Variants in RAPH1 observed in about 807,000 individuals in gnomAD.
RAPH1 encodes ras-associated and pleckstrin homology domains-containing protein 1.
RAPH1 carries 18 observed loss-of-function variants against 88.1 expected under a neutral mutation model. The ratio of observed to expected loss-of-function variants is 0.20; its 90% CI spans 0.14 to 0.30. The LOEUF (loss-of-function observed/expected upper bound fraction) is 0.30, where lower values mean the gene tolerates loss of function less well. Among genes scored for constraint, RAPH1 ranks in the 10% least tolerant of loss-of-function variants. RAPH1 has a pLI of 1.00. For synonymous variants in RAPH1, 587 were observed against 559.0 expected (o/e 1.05, Z -0.71); for missense variants, 1,448 against 1,543.2 (o/e 0.94, Z 1.03).
At chr2:203,534,256 T>C (rs533659001) in intron 1 of RAPH1, among the ~76,000 whole-genome samples, 29 of 152,136 alleles carry the variant, frequency 1.9e-4, no homozygotes, top group Non-Finnish European at 3.7e-4. Flanking sequence ...TTCTCCCGGA[T>C]TTCCCCAACG....
chr2:203,506,746 A>ATATATCTATC (rs1553630373), intron 1 of RAPH1, among the ~76,000 whole-genome samples: 17 of 118,868 alleles, frequency 1.4e-4, no homozygotes, highest in South Asian at 2.4e-4. Flanking sequence ...ATATATCTAT[A>ATATATCTATC]TATATATATA....
intron 1 of RAPH1, among the ~76,000 whole-genome samples, chr2:203,504,561 T>C (rs1688894344): frequency 6.6e-6 from 1 of 152,182 alleles, no homozygotes; most frequent in Non-Finnish European, 1.5e-5. Flanking sequence ...GGGAGGGGGC[T>C]GACCTGACGG....
intron 1 of RAPH1, among the ~76,000 whole-genome samples, chr2:203,526,166 A>G (rs1690104887): frequency 6.6e-6 from 1 of 152,230 alleles, no homozygotes. Flanking sequence ...AAATAAGCCT[A>G]TAATTTCGAC....
At chr2:203,511,685 C>T (rs1030734371) in intron 1 of RAPH1, among the ~76,000 whole-genome samples, 2 of 151,994 alleles carry the variant, frequency 1.3e-5, no homozygotes, top group African/African-American at 4.8e-5. Flanking sequence ...TCTCTACCTT[C>T]TTTACATTTC....
At chr2:203,457,983 AG>A (rs1365226152) in intron 7 of RAPH1, among the ~76,000 whole-genome samples, 1 of 152,216 alleles carries the variant, frequency 6.6e-6, no homozygotes, top group Admixed American at 6.5e-5. Context: ...ATACTGATCT[AG>A]GTGCAGAAAA....
chr2:203,457,591 T>G lies in RAPH1; in HGVS notation c.1097A>C (p.Tyr366Ser). 6.2e-7 allele frequency: 1 copy of G among 1,609,136 alleles called. No individual in the cohort carries two copies. Among genetic ancestry groups the G allele is most frequent in the Non-Finnish European group, 8.5e-7 (1 of 1,175,538 alleles). The change falls in exon 8 of 14, where the codon TAT (tyrosine) becomes TCT (serine). Residue 366 changes from tyrosine to serine, a missense_variant. By Grantham distance (144) the Tyr-to-Ser change is moderately radical (BLOSUM62 -2). Around this residue, in one of 2 missense-constraint regions of RAPH1, gnomAD observed 513 missense variants for 653.1 expected, o/e 0.79. Coordinates refer to ENST00000319170, the MANE Select transcript of RAPH1 (RefSeq NM_213589.3). ...KYALFKNPQN[Y>S]LLGKKETAEM... ...AGCTGTTTCTTTTTTCCCCAAAAGA[T>G]AATTCTGGAAAAACAAACATATGGA...
chr2:203,438,326 ACCCTT>A lies in RAPH1; in HGVS notation c.*1106_*1110del, dbSNP rs1184803362. On this transcript the variant is annotated 3_prime_UTR_variant, in exon 14 of 14. Transcript: ENST00000319170. Reference sequence around the variant, plus strand: ...CAGGGGCCAGTTCTGTTCTCTCATCACCCTTCCCTTCTATAGAGCAATGCTCAAAA... The same window carrying A: ...CAGGGGCCAGTTCTGTTCTCTCATCACCCTTCTATAGAGCAATGCTCAAAA... 1 of 368,062 alleles carries A rather than the reference ACCCTT, an allele frequency of 2.7e-6. No homozygotes were observed. Among genetic ancestry groups the A allele is most frequent in the African/African-American group, 2.1e-5 (1 of 46,844 alleles). The allele number at this position is 368,062 out of a possible 1,614,324, so 22.8% of individuals were successfully genotyped here.
chr2:203,505,606 G>C (rs1281904701), intron 1 of RAPH1, among the ~76,000 whole-genome samples: 2 of 152,042 alleles, frequency 1.3e-5, no homozygotes, highest in Admixed American at 6.6e-5. Context: ...AAAAAGTTCT[G>C]ATTATCTTAT....
At chr2:203,516,585 C>A (rs1203095649) in intron 1 of RAPH1, among the ~76,000 whole-genome samples, 2 of 152,062 alleles carry the variant, frequency 1.3e-5, no homozygotes, top group Non-Finnish European at 2.9e-5. Flanking sequence ...CCCGTCTCTA[C>A]TGAAAATACA....
At chr2:203,523,411 C>T (rs911995966) in intron 1 of RAPH1, among the ~76,000 whole-genome samples, 6 of 145,922 alleles carry the variant, frequency 4.1e-5, no homozygotes, top group African/African-American at 7.5e-5. Context: ...AAAAAAACCA[C>T]GTCAGAACTG....
chr2:203,504,977 T>C (rs919832730), intron 1 of RAPH1, among the ~76,000 whole-genome samples: 4 of 152,160 alleles, frequency 2.6e-5, no homozygotes, highest in African/African-American at 9.7e-5. Flanking sequence ...TCAGCTTGGA[T>C]CTTATTGTTC....
Position 203,506,858 on chromosome 2 carries a change from A to ATATATC in RAPH1, c.1-11506_1-11505insGATATA, listed in dbSNP as rs1559494846. Reference sequence around the variant, plus strand: ...TATATCTATATATCTATCTATATCTATATATATATATATATATATATAGAT... The same window carrying ATATATC: ...TATATCTATATATCTATCTATATCTATATATCTATATATATATATATATATATAGAT... On this transcript the variant is annotated intron_variant, in intron 1 of 13. Coordinates refer to ENST00000319170, the MANE Select transcript of RAPH1 (RefSeq NM_213589.3). Among the ~76,000 whole-genome samples the ATATATC allele has an allele frequency of 3.0e-5, 2 of 66,580 alleles. 1 individual carries two copies. The highest frequency in any genetic ancestry group is 5.8e-5 in the Non-Finnish European group (2 of 34,600). 43.7% of individuals were successfully genotyped at this position (66,580 alleles called of 152,430 possible).
intron 1 of RAPH1, among the ~76,000 whole-genome samples, chr2:203,530,368 G>A (rs1690335243): frequency 6.6e-6 from 1 of 152,152 alleles, no homozygotes; most frequent in South Asian, 2.1e-4. Context: ...CTAAGGGTTA[G>A]AGATGTTAAA....
intron 1 of RAPH1, among the ~76,000 whole-genome samples, chr2:203,512,466 C>T (rs1689390633): frequency 6.6e-6 from 1 of 151,806 alleles, no homozygotes; most frequent in South Asian, 2.1e-4. Flanking sequence ...AGAGATGGAT[C>T]ATTATTCCTG....
chr2:203,495,067 T>C, intron 2 of RAPH1, 167 bp downstream of exon 2: 1 of 623,506 alleles, frequency 1.6e-6, no homozygotes, highest in Non-Finnish European at 2.6e-6. Flanking sequence ...AGATTCTTAA[T>C]ATCTTCTGTT....
At chr2:203,486,462 G>C (rs1290741815) in intron 4 of RAPH1, among the ~76,000 whole-genome samples, 1 of 152,128 alleles carries the variant, frequency 6.6e-6, no homozygotes, top group East Asian at 1.9e-4. Flanking sequence ...CCATCTTCTG[G>C]AGTAGAGTGA....
intron 4 of RAPH1, among the ~76,000 whole-genome samples, chr2:203,464,274 C>CT (rs1559464086): frequency 6.6e-6 from 1 of 152,068 alleles, no homozygotes; most frequent in Admixed American, 6.6e-5. Context: ...TAAACATGAA[C>CT]TTTTTTCTTT....
At chr2:203,512,569 T>C (rs1689395979) in intron 1 of RAPH1, among the ~76,000 whole-genome samples, 1 of 151,890 alleles carries the variant, frequency 6.6e-6, no homozygotes, top group Non-Finnish European at 1.5e-5. Flanking sequence ...TATTGAAATT[T>C]TTGGAATGAG....
intron 1 of RAPH1, among the ~76,000 whole-genome samples, chr2:203,505,134 T>G (rs1001022263): frequency 6.6e-6 from 1 of 152,200 alleles, no homozygotes; most frequent in Non-Finnish European, 1.5e-5. Flanking sequence ...TCTACGTTTT[T>G]GGGTATCTTT....
Sources: gnomAD v4.1 joint callset for allele counts (sites outside exome capture counted in the v4.1 genomes callset) on GRCh38, gnomAD v4.1.1 for gene constraint, gnomAD v4.1.1 regional missense constraint, MANE v1.5 for transcripts, NCBI Gene and HGNC (gene_info 2026-07-23, HGNC 2026-07-21) for gene names.